The following SCHIP1 variants were observed in gnomAD, a reference collection of about 807,000 sequenced individuals.
SCHIP1 encodes the protein schwannomin interacting protein 1.
SCHIP1 carries 8 observed loss-of-function variants against 29.7 expected under a neutral mutation model. That is an observed-to-expected ratio of 0.27 (90% CI 0.16 to 0.49). The LOEUF (loss-of-function observed/expected upper bound fraction) is 0.49. Among genes scored for constraint, SCHIP1 ranks in the 20% least tolerant of loss-of-function variants. SCHIP1 has a pLI of 0.99. For missense variants in SCHIP1, 193 were observed against 294.6 expected, an observed-to-expected ratio of 0.66 and a Z score of 2.52; for synonymous variants, 76 against 94.9, an observed-to-expected ratio of 0.80 and a Z score of 1.16.
the SCHIP1 span, among the ~76,000 whole-genome samples, chr3:159,674,630 A>G: frequency 6.8e-6 from 1 of 147,928 alleles, no homozygotes; most frequent in South Asian, 2.1e-4. Context: ...AAAAGCTGGG[A>G]AAAGCTAGCC....
the SCHIP1 span, among the ~76,000 whole-genome samples, chr3:159,660,802 G>A: frequency 6.6e-6 from 1 of 152,118 alleles, no homozygotes; most frequent in East Asian, 1.9e-4. Flanking sequence ...GTTGCAGGTT[G>A]TCTTTTAGAA....
the SCHIP1 span, among the ~76,000 whole-genome samples, chr3:159,362,756 G>A: frequency 6.6e-6 from 1 of 152,174 alleles, no homozygotes; most frequent in Non-Finnish European, 1.5e-5. Flanking sequence ...TCAGGCAGGA[G>A]GGATCATGAC....
the SCHIP1 span, among the ~76,000 whole-genome samples, chr3:159,490,273 A>G: frequency 0.27 from 41,453 of 152,070 alleles, 5,904 homozygotes; most frequent in East Asian, 0.4. Flanking sequence ...TGAAATGTTC[A>G]AGGCATTGTT....
chr3:159,768,813 C>A, the SCHIP1 span, among the ~76,000 whole-genome samples: 1 of 152,146 alleles, frequency 6.6e-6, no homozygotes, highest in Non-Finnish European at 1.5e-5. Flanking sequence ...CAGCCATATC[C>A]CCAGTAGTTC....
At chr3:159,445,216 G>A in the SCHIP1 span, among the ~76,000 whole-genome samples, 1 of 152,152 alleles carries the variant, frequency 6.6e-6, no homozygotes, top group African/African-American at 2.4e-5. Flanking sequence ...AGTGGGCAAA[G>A]GATATGAACA....
At chr3:159,627,657 CCT>C in the SCHIP1 span, among the ~76,000 whole-genome samples, 1 of 152,114 alleles carries the variant, frequency 6.6e-6, no homozygotes, top group Non-Finnish European at 1.5e-5. Context: ...AGTGAGATGG[CCT>C]AGCCAGGTTG....
At chr3:159,387,030 A>G in the SCHIP1 span, 1 of 160,508 alleles carries the variant, frequency 6.2e-6, no homozygotes, top group Non-Finnish European at 1.4e-5. Flanking sequence ...TTGCCAGTGC[A>G]TCTGAGGGCA....
the SCHIP1 span, among the ~76,000 whole-genome samples, chr3:159,709,490 C>G: frequency 6.6e-6 from 1 of 152,100 alleles, no homozygotes; most frequent in Non-Finnish European, 1.5e-5. Flanking sequence ...TTGGATATTT[C>G]TCAGTCTTAT....
At chr3:159,408,385 G>T in the SCHIP1 span, among the ~76,000 whole-genome samples, 1 of 115,662 alleles carries the variant, frequency 8.6e-6, no homozygotes. Context: ...ACAAAAAGTT[G>T]GTATTTTGCA....
At chr3:159,695,423 T>C in the SCHIP1 span, among the ~76,000 whole-genome samples, 5 of 152,182 alleles carry the variant, frequency 3.3e-5, no homozygotes, top group African/African-American at 1.2e-4. Flanking sequence ...CGCCACTTGA[T>C]TCCCACTGTC....
chr3:159,347,257 T>C, the SCHIP1 span, among the ~76,000 whole-genome samples: 335 of 152,324 alleles, frequency 2.2e-3, no homozygotes, highest in Non-Finnish European at 4.5e-3. Context: ...TTCAGAAGAC[T>C]TTCTCCTTGT....
chr3:159,626,201 TAG>T, the SCHIP1 span, among the ~76,000 whole-genome samples: 64 of 125,314 alleles, frequency 5.1e-4, 3 homozygotes, highest in African/African-American at 2.7e-3. Flanking sequence ...GATAGATAGA[TAG>T]ATAGATATAT....
the SCHIP1 span, among the ~76,000 whole-genome samples, chr3:159,386,176 A>G: frequency 6.6e-6 from 1 of 152,310 alleles, no homozygotes; most frequent in Non-Finnish European, 1.5e-5. Context: ...GTGTCTTTAT[A>G]GTAGCATGAT....
the SCHIP1 span, among the ~76,000 whole-genome samples, chr3:159,804,136 CT>C: frequency 3.3e-5 from 5 of 152,192 alleles, no homozygotes; most frequent in Non-Finnish European, 7.4e-5. Flanking sequence ...ATAGGGCTCC[CT>C]TCACCCTCTC....
chr3:159,694,531 A>G, the SCHIP1 span, among the ~76,000 whole-genome samples: 1 of 148,118 alleles, frequency 6.8e-6, no homozygotes, highest in South Asian at 2.1e-4. Context: ...AAGAAAAAAG[A>G]AAAGACAAGA....
the SCHIP1 span, among the ~76,000 whole-genome samples, chr3:159,579,483 C>T: frequency 3.3e-5 from 5 of 152,258 alleles, no homozygotes; most frequent in Middle Eastern, 3.4e-3. Context: ...TGAAGACATT[C>T]GTGAGAGCTG....
chr3:159,448,121 C>T, the SCHIP1 span, among the ~76,000 whole-genome samples: 1 of 152,158 alleles, frequency 6.6e-6, no homozygotes, highest in South Asian at 2.1e-4. Context: ...CTTCCTTGAC[C>T]ACCTGATGAT....
chr3:159,513,077 GTGTT>G, the SCHIP1 span, among the ~76,000 whole-genome samples: 6 of 152,264 alleles, frequency 3.9e-5, no homozygotes, highest in South Asian at 4.2e-4. Flanking sequence ...ATACAATAAG[GTGTT>G]TGTTTTAAAG....
the SCHIP1 span, among the ~76,000 whole-genome samples, chr3:159,484,747 C>T: frequency 1.3e-5 from 2 of 152,096 alleles, no homozygotes; most frequent in African/African-American, 4.8e-5. Flanking sequence ...CAAATTAAAA[C>T]TATTGACCAT....
Sources: allele counts gnomAD v4.1 joint callset (sites outside exome capture counted in the v4.1 genomes callset), GRCh38; gene constraint gnomAD v4.1.1; transcripts MANE v1.5; gene names NCBI Gene and HGNC (gene_info 2026-07-23, HGNC 2026-07-21).